Variants in ZFAND3 observed in about 807,000 individuals in gnomAD.
ZFAND3 encodes the protein AN1-type zinc finger protein 3.
ZFAND3 carries 10 observed loss-of-function variants against 29.6 expected under a neutral mutation model. The observed-to-expected ratio is 0.34, with a 90% CI of 0.21 to 0.57. The LOEUF (loss-of-function observed/expected upper bound fraction) is 0.57. Among genes scored for constraint, ZFAND3 ranks in the 20% least tolerant of loss-of-function variants. The pLI is 0.86. For missense variants in ZFAND3, 230 were observed against 304.5 expected, an observed-to-expected ratio of 0.76 and a Z score of 1.82; for synonymous variants, 128 against 112.6, an observed-to-expected ratio of 1.14 and a Z score of -0.87.
At chr6:37,997,190 C>A (rs1762865495) in intron 2 of ZFAND3, among the ~76,000 whole-genome samples, 1 of 152,160 alleles carries the variant, frequency 6.6e-6, no homozygotes, top group South Asian at 2.1e-4. Flanking sequence ...GTTATTTATA[C>A]TGTTTTCTTA....
intron 2 of ZFAND3, among the ~76,000 whole-genome samples, chr6:37,961,293 G>A (rs1326925788): frequency 6.6e-6 from 1 of 152,196 alleles, no homozygotes; most frequent in East Asian, 1.9e-4. Flanking sequence ...GGAAGAGTAG[G>A]AAGGACTGTG....
At chr6:37,882,905 C>G (rs1041506175) in intron 1 of ZFAND3, among the ~76,000 whole-genome samples, 9 of 152,042 alleles carry the variant, frequency 5.9e-5, no homozygotes, top group African/African-American at 2.2e-4. Flanking sequence ...TCTCTAGTAC[C>G]ATCCAGTGTA....
intron 2 of ZFAND3, among the ~76,000 whole-genome samples, chr6:37,934,188 CT>C (rs772877217): frequency 2.1e-3 from 280 of 132,976 alleles, no homozygotes; most frequent in Middle Eastern, 5.7e-3. Flanking sequence ...GCGCCCGGCC[CT>C]TTTTTTTTTT....
chr6:38,040,196 A>G (rs1053223169), intron 2 of ZFAND3, among the ~76,000 whole-genome samples: 4 of 152,156 alleles, frequency 2.6e-5, no homozygotes, highest in Non-Finnish European at 4.4e-5. Context: ...ACACTTACAG[A>G]AAAGGTTGTA....
chr6:38,142,278 T>G (rs765976854), intron 5 of ZFAND3: 3 of 471,442 alleles, frequency 6.4e-6, no homozygotes, highest in African/African-American at 6.0e-5. Context: ...TGGAGAGAGA[T>G]GTGTGGCATT....
At chr6:38,090,917 G>A (rs1168611851) in intron 4 of ZFAND3, among the ~76,000 whole-genome samples, 2 of 152,154 alleles carry the variant, frequency 1.3e-5, no homozygotes, top group African/African-American at 2.4e-5. Context: ...TGAGAGTTAG[G>A]TCCCATTGCC....
At chr6:37,898,127 AAG>A (rs1412168831) in intron 1 of ZFAND3, among the ~76,000 whole-genome samples, 1 of 152,224 alleles carries the variant, frequency 6.6e-6, no homozygotes, top group Non-Finnish European at 1.5e-5. Context: ...AGAGTTAAAA[AAG>A]ACATTCGAGT....
chr6:38,041,627 A>AC (rs1763764122), intron 2 of ZFAND3, among the ~76,000 whole-genome samples: 28 of 66,490 alleles, frequency 4.2e-4, no homozygotes, highest in African/African-American at 1.3e-3. Context: ...TTTTTTATCT[A>AC]CTTTTTCTTC....
intron 2 of ZFAND3, among the ~76,000 whole-genome samples, chr6:37,993,298 T>TA (rs1054112197): frequency 1.3e-5 from 2 of 152,118 alleles, no homozygotes; most frequent in East Asian, 3.9e-4. Context: ...TGTTCGCCTT[T>TA]AAAAAATGAT....
intron 1 of ZFAND3, among the ~76,000 whole-genome samples, chr6:37,910,488 A>G (rs1178372442): frequency 3.3e-5 from 5 of 152,214 alleles, no homozygotes; most frequent in African/African-American, 7.2e-5. Flanking sequence ...AAATCTTGCA[A>G]ATATAAATTG....
At chr6:37,937,789 C>T (rs1320960992) in intron 2 of ZFAND3, among the ~76,000 whole-genome samples, 5 of 151,976 alleles carry the variant, frequency 3.3e-5, no homozygotes, top group African/African-American at 7.3e-5. Flanking sequence ...CTAAGCCAGA[C>T]GCCCAAGAGG....
chr6:38,107,447 C>T (rs1040216452), intron 4 of ZFAND3, among the ~76,000 whole-genome samples: 2 of 152,244 alleles, frequency 1.3e-5, no homozygotes, highest in African/African-American at 4.8e-5. Flanking sequence ...TTACGCCAGT[C>T]CTCCAGCCAT....
intron 2 of ZFAND3, among the ~76,000 whole-genome samples, chr6:38,042,007 T>G (rs143921636): frequency 1.6e-3 from 231 of 148,830 alleles, no homozygotes; most frequent in East Asian, 0.015. Flanking sequence ...GGCTTTTTTT[T>G]GGGGGGGAGG....
chr6:37,905,957 G>A (rs116477354), intron 1 of ZFAND3, among the ~76,000 whole-genome samples: 3,086 of 152,216 alleles, frequency 0.02, 57 homozygotes, highest in Middle Eastern at 0.061. Context: ...AAAGCCAAAA[G>A]AGGTAGAAAA....
chr6:38,018,399 T>G (rs1359975031), intron 2 of ZFAND3, among the ~76,000 whole-genome samples: 1 of 152,218 alleles, frequency 6.6e-6, no homozygotes, highest in East Asian at 1.9e-4. Context: ...TCAAAACATA[T>G]AACGTTTTAT....
intron 2 of ZFAND3, among the ~76,000 whole-genome samples, chr6:37,967,180 C>T (rs1174192144): frequency 6.6e-6 from 1 of 152,104 alleles, no homozygotes; most frequent in Non-Finnish European, 1.5e-5. Context: ...AGGTAAGTAT[C>T]CATCTTTGTG....
At chr6:38,088,879 T>C (rs2127473158) in intron 4 of ZFAND3, among the ~76,000 whole-genome samples, 1 of 152,328 alleles carries the variant, frequency 6.6e-6, no homozygotes, top group Admixed American at 6.5e-5. Flanking sequence ...CAGATGAGAC[T>C]AAGAACTGTT....
intron 2 of ZFAND3, among the ~76,000 whole-genome samples, chr6:38,053,243 A>G (rs1021299733): frequency 1.3e-4 from 19 of 151,832 alleles, no homozygotes; most frequent in Non-Finnish European, 2.4e-4. Context: ...TGTGAAGGCA[A>G]TGAGAGACCA....
intron 1 of ZFAND3, among the ~76,000 whole-genome samples, chr6:37,922,787 G>A (rs1055751807): frequency 2.0e-5 from 3 of 152,176 alleles, no homozygotes; most frequent in Non-Finnish European, 4.4e-5. Flanking sequence ...ATAAAAAAGT[G>A]TACACCTGTC....
Sources: allele counts gnomAD v4.1 joint callset (sites outside exome capture counted in the v4.1 genomes callset), GRCh38; gene constraint gnomAD v4.1.1; transcripts MANE v1.5; gene names NCBI Gene and HGNC (gene_info 2026-07-23, HGNC 2026-07-21).